The following PPARGC1A variants were observed in gnomAD, a reference collection of about 807,000 sequenced individuals.
The protein encoded by PPARGC1A is PPARG coactivator 1 alpha.
PPARGC1A carries 25 observed loss-of-function variants against 88.7 expected under a neutral mutation model. That is an observed-to-expected ratio of 0.28 (90% CI 0.21 to 0.39). PPARGC1A has a LOEUF of 0.39. Ranked by LOEUF, PPARGC1A falls within the 10% of genes least tolerant of loss-of-function variation. PPARGC1A has a pLI of 1.00. For synonymous variants in PPARGC1A, 363 were observed against 355.6 expected, an observed-to-expected ratio of 1.02 and a Z score of -0.24; for missense variants, 880 against 968.7, an observed-to-expected ratio of 0.91 and a Z score of 1.22.
At chr4:24,093,107 T>C in the PPARGC1A span, among the ~76,000 whole-genome samples, 1 of 152,236 alleles carries the variant, frequency 6.6e-6, no homozygotes, top group African/African-American at 2.4e-5. Context: ...ACAAACATTC[T>C]ATGAGGTTAT....
chr4:24,423,082 TAC>T, the PPARGC1A span, among the ~76,000 whole-genome samples: 3 of 152,028 alleles, frequency 2.0e-5, no homozygotes, highest in Admixed American at 6.6e-5. Context: ...ATAGATATAA[TAC>T]ACACACACAC....
chr4:24,296,666 C>T, the PPARGC1A span, among the ~76,000 whole-genome samples: 1 of 152,138 alleles, frequency 6.6e-6, no homozygotes, highest in Non-Finnish European at 1.5e-5. Flanking sequence ...AAATTAGCAT[C>T]CCATTCCCAT....
the PPARGC1A span, among the ~76,000 whole-genome samples, chr4:24,165,264 A>G: frequency 6.6e-6 from 1 of 152,158 alleles, no homozygotes; most frequent in South Asian, 2.1e-4. Context: ...AGTGCATGAA[A>G]TTTGATCAAA....
the PPARGC1A span, among the ~76,000 whole-genome samples, chr4:24,432,987 C>T: frequency 2.6e-5 from 4 of 152,110 alleles, no homozygotes; most frequent in African/African-American, 9.7e-5. Context: ...AATTTTCAGA[C>T]GAGACCCTAA....
the PPARGC1A span, among the ~76,000 whole-genome samples, chr4:23,925,990 C>T: frequency 1.3e-5 from 2 of 152,210 alleles, no homozygotes; most frequent in African/African-American, 4.8e-5. Flanking sequence ...ACCCGACCCT[C>T]TTAAATGTGG....
In PPARGC1A at chr4:23,838,934, T is replaced by A. The variant is rs141456116; in HGVS notation, c.235-7183A>T. Among the ~76,000 whole-genome samples, 17 of 152,280 alleles carry A rather than the reference T, an allele frequency of 1.1e-4. No individual in the cohort carries two copies. In the East Asian group the frequency reaches 3.3e-3, roughly 29 times the overall value. On this transcript the variant is annotated intron_variant, in intron 2 of 12. Coordinates refer to ENST00000264867, the MANE Select transcript of PPARGC1A (RefSeq NM_013261.5). The stretch of plus-strand genomic sequence containing the variant: ...AAAAAATGTATAATCTGTACATACA[T>A]TGCTCCTCTCAGCCACTCTAACTGA...
the PPARGC1A span, among the ~76,000 whole-genome samples, chr4:24,257,961 T>C: frequency 6.6e-6 from 1 of 152,112 alleles, no homozygotes; most frequent in Non-Finnish European, 1.5e-5. Context: ...GTCCAAATTA[T>C]CTAGTAAGCA....
At chr4:24,355,619 T>G in the PPARGC1A span, among the ~76,000 whole-genome samples, 1 of 152,142 alleles carries the variant, frequency 6.6e-6, no homozygotes, top group South Asian at 2.1e-4. Flanking sequence ...AATGAGACAC[T>G]TCATTGTTGT....
the PPARGC1A span, among the ~76,000 whole-genome samples, chr4:24,289,235 A>AG: frequency 1.3e-5 from 2 of 150,384 alleles, no homozygotes; most frequent in African/African-American, 4.9e-5. Context: ...AAAAAAAAAA[A>AG]AAAAAAAAGA....
chr4:24,339,056 C>T, the PPARGC1A span, among the ~76,000 whole-genome samples: 2,136 of 152,032 alleles, frequency 0.014, 54 homozygotes, highest in African/African-American at 0.049. Flanking sequence ...CCCTCCCTCC[C>T]GTCATGTCCT....
chr4:24,350,668 C>T, the PPARGC1A span, among the ~76,000 whole-genome samples: 1 of 152,190 alleles, frequency 6.6e-6, no homozygotes, highest in African/African-American at 2.4e-5. Context: ...AGTCACACAG[C>T]TAATAGATGA....
chr4:24,134,818 T>C, the PPARGC1A span, among the ~76,000 whole-genome samples: 1 of 152,240 alleles, frequency 6.6e-6, no homozygotes, highest in Non-Finnish European at 1.5e-5. Flanking sequence ...CTTAAGAGCA[T>C]GCTACACTTG....
At chr4:24,340,682 G>A in the PPARGC1A span, among the ~76,000 whole-genome samples, 1 of 152,108 alleles carries the variant, frequency 6.6e-6, no homozygotes, top group African/African-American at 2.4e-5. Context: ...CATGATGGCA[G>A]ATTTTTTTTC....
At chr4:24,198,413 T>A in the PPARGC1A span, among the ~76,000 whole-genome samples, 2 of 151,922 alleles carry the variant, frequency 1.3e-5, no homozygotes, top group African/African-American at 4.8e-5. Context: ...GGATCTCATC[T>A]CCAGTTTTCT....
the PPARGC1A span, among the ~76,000 whole-genome samples, chr4:24,450,348 C>A: frequency 4.6e-5 from 7 of 152,156 alleles, no homozygotes. Context: ...TAACTCTTAA[C>A]CTCAGAAGGT....
the PPARGC1A span, among the ~76,000 whole-genome samples, chr4:24,131,333 C>T: frequency 6.6e-6 from 1 of 152,208 alleles, no homozygotes; most frequent in African/African-American, 2.4e-5. Context: ...AATTCTATCA[C>T]CACTCTACCG....
the PPARGC1A span, among the ~76,000 whole-genome samples, chr4:23,969,661 G>A: frequency 6.6e-6 from 1 of 152,142 alleles, no homozygotes; most frequent in African/African-American, 2.4e-5. Flanking sequence ...GATGATCTCA[G>A]CTGTCCAGGA....
At chr4:24,117,041 G>A in the PPARGC1A span, among the ~76,000 whole-genome samples, 3 of 147,274 alleles carry the variant, frequency 2.0e-5, no homozygotes, top group South Asian at 6.7e-4. Flanking sequence ...GCACAGTGAA[G>A]TTGGTAAAAA....
chr4:24,173,508 G>A, the PPARGC1A span, among the ~76,000 whole-genome samples: 1 of 152,128 alleles, frequency 6.6e-6, no homozygotes, highest in Non-Finnish European at 1.5e-5. Context: ...CCCAGCCTGG[G>A]CAACCTAAGC....
Sources: gnomAD v4.1 joint callset for allele counts (sites outside exome capture counted in the v4.1 genomes callset) on GRCh38, gnomAD v4.1.1 for gene constraint, MANE v1.5 for transcripts, NCBI Gene and HGNC (gene_info 2026-07-23, HGNC 2026-07-21) for gene names.